Variants in DEPTOR observed in about 807,000 individuals in gnomAD.
DEPTOR encodes the protein DEP domain-containing mTOR-interacting protein.
In DEPTOR, 41 loss-of-function variants were observed where a neutral mutation model predicts 41.6. The ratio of observed to expected loss-of-function variants is 0.98; its 90% CI spans 0.77 to 1.28. The LOEUF (loss-of-function observed/expected upper bound fraction) is 1.28, where lower values mean the gene tolerates loss of function less well. DEPTOR is among the 50% of genes most tolerant of loss of function. The pLI, the probability that DEPTOR is intolerant of heterozygous loss-of-function variation, is 0.00. For missense variants in DEPTOR, 514 were observed against 527.9 expected, an observed-to-expected ratio of 0.97 and a Z score of 0.26; for synonymous variants, 195 against 192.3, an observed-to-expected ratio of 1.01 and a Z score of -0.12.
rs1812350353 is a variant in DEPTOR, at chr8:120,001,509, T to C, written c.605-16T>C. ...GCCAGATAGTCCTCATTGGTTGTTT[T>C]TTTTTTTCTCCCCAGTGTCCAACAA... is the stretch of plus-strand genomic sequence containing the variant. On this transcript the variant is annotated splice_polypyrimidine_tract_variant and intron_variant, in intron 4 of 8. Transcript: ENST00000286234. 22 of 1,585,706 alleles carry C rather than the reference T, an allele frequency of 1.4e-5. No individual in the cohort carries two copies. Among genetic ancestry groups the C allele is most frequent in the Non-Finnish European group, 1.7e-5 (20 of 1,166,322 alleles).
chr8:120,007,568 C>T (rs1482914786), intron 7 of DEPTOR, among the ~76,000 whole-genome samples: 1 of 152,176 alleles, frequency 6.6e-6, no homozygotes, highest in East Asian at 1.9e-4. Flanking sequence ...TCCTGTGTCT[C>T]CTTCTGTCAA....
At chr8:119,942,360 C>T (rs371947142) in intron 3 of DEPTOR, among the ~76,000 whole-genome samples, 1 of 152,144 alleles carries the variant, frequency 6.6e-6, no homozygotes, top group Non-Finnish European at 1.5e-5. Flanking sequence ...TGTGTGCCAC[C>T]ACGCCTGGCT....
chr8:119,916,815 T>TA (rs1261135232), intron 1 of DEPTOR, among the ~76,000 whole-genome samples: 1 of 152,218 alleles, frequency 6.6e-6, no homozygotes, highest in Non-Finnish European at 1.5e-5. Context: ...ATCTTATGGG[T>TA]AGGAAAAGGC....
chr8:119,885,039 G>A (rs1218577743), intron 1 of DEPTOR, among the ~76,000 whole-genome samples: 1 of 152,178 alleles, frequency 6.6e-6, no homozygotes, highest in Non-Finnish European at 1.5e-5. Flanking sequence ...GATTATAGGC[G>A]TGAGCTACCT....
chr8:119,936,019 T>TTTA (rs1563970256), intron 3 of DEPTOR, among the ~76,000 whole-genome samples: 2 of 133,412 alleles, frequency 1.5e-5, no homozygotes, highest in Non-Finnish European at 1.6e-5. Flanking sequence ...TTTTTTTTTT[T>TTTA]ATCCAAAGGG....
At chr8:119,996,953 C>T (rs184167611) in intron 4 of DEPTOR, among the ~76,000 whole-genome samples, 402 of 152,068 alleles carry the variant, frequency 2.6e-3, no homozygotes, top group Non-Finnish European at 4.7e-3. Flanking sequence ...CTGAGTATAG[C>T]GATGTAGTGA....
chr8:119,939,855 T>G (rs1236845921), intron 3 of DEPTOR, among the ~76,000 whole-genome samples: 2 of 152,104 alleles, frequency 1.3e-5, no homozygotes, highest in Non-Finnish European at 2.9e-5. Context: ...CCTTGTGCAT[T>G]GCTGGTGGGA....
chr8:120,016,880 T>C (rs1812620030), intron 8 of DEPTOR, among the ~76,000 whole-genome samples: 1 of 152,158 alleles, frequency 6.6e-6, no homozygotes, highest in Non-Finnish European at 1.5e-5. Flanking sequence ...TCCATAAAGT[T>C]GAGATTACAG....
chr8:119,920,405 T>C (rs1472247506), intron 1 of DEPTOR, among the ~76,000 whole-genome samples: 1 of 152,180 alleles, frequency 6.6e-6, no homozygotes, highest in Non-Finnish European at 1.5e-5. Context: ...CGCTAAAATA[T>C]TGTGGGACAA....
intron 1 of DEPTOR, among the ~76,000 whole-genome samples, chr8:119,910,986 C>T (rs143001758): frequency 2.0e-4 from 30 of 152,188 alleles, no homozygotes; most frequent in Non-Finnish European, 2.9e-4. Context: ...TCCATCACTG[C>T]GTCTGAGATT....
At chr8:120,041,340 A>G (rs749302357) in intron 8 of DEPTOR, among the ~76,000 whole-genome samples, 22 of 152,204 alleles carry the variant, frequency 1.4e-4, no homozygotes, top group Non-Finnish European at 3.1e-4. Context: ...GTCTATCCAG[A>G]GGATTATCGT....
At chr8:120,025,178 A>C (rs6469891) in intron 8 of DEPTOR, among the ~76,000 whole-genome samples, 123,658 of 152,152 alleles carry the variant, frequency 0.81, 50,317 homozygotes, top group African/African-American at 0.83. Flanking sequence ...TGTTTAATTA[A>C]AGACTGTGAT....
At chr8:119,994,916 C>CAA (rs59495312) in intron 4 of DEPTOR, among the ~76,000 whole-genome samples, 3 of 51,844 alleles carry the variant, frequency 5.8e-5, no homozygotes, top group East Asian at 6.2e-4. Context: ...GACTCTGTCT[C>CAA]AAAAAAAAAA....
intron 3 of DEPTOR, among the ~76,000 whole-genome samples, chr8:119,942,578 G>A (rs1313596368): frequency 6.6e-6 from 1 of 152,194 alleles, no homozygotes; most frequent in African/African-American, 2.4e-5. Context: ...GAGATTGACT[G>A]TGCTGGCTAC....
intron 3 of DEPTOR, among the ~76,000 whole-genome samples, chr8:119,941,327 C>T (rs956338523): frequency 2.9e-5 from 4 of 137,766 alleles, no homozygotes; most frequent in East Asian, 2.1e-4. Flanking sequence ...GAGCAGAGAT[C>T]GCACCATTGC....
chr8:120,026,912 A>G (rs1812805752), intron 8 of DEPTOR, among the ~76,000 whole-genome samples: 1 of 152,146 alleles, frequency 6.6e-6, no homozygotes, highest in Non-Finnish European at 1.5e-5. Context: ...TATTATATTC[A>G]ACTGTTCTTA....
intron 4 of DEPTOR, among the ~76,000 whole-genome samples, chr8:119,983,673 C>T (rs1034781903): frequency 4.6e-5 from 7 of 152,148 alleles, no homozygotes; most frequent in Admixed American, 2.0e-4. Context: ...CATGAGCCAC[C>T]GTGCCTGGCC....
At chr8:119,931,787 CT>C (rs1828046554) in intron 3 of DEPTOR, among the ~76,000 whole-genome samples, 1 of 152,062 alleles carries the variant, frequency 6.6e-6, no homozygotes, top group Admixed American at 6.6e-5. Context: ...TTGCTACTTT[CT>C]TTTAATTTCT....
chr8:119,913,793 G>C (rs557424769), intron 1 of DEPTOR, among the ~76,000 whole-genome samples: 3 of 152,192 alleles, frequency 2.0e-5, no homozygotes, highest in Admixed American at 6.5e-5. Flanking sequence ...TCTTCAGTTA[G>C]GTGTCCTGAC....
Sources: gnomAD v4.1 joint callset for allele counts (sites outside exome capture counted in the v4.1 genomes callset) on GRCh38, gnomAD v4.1.1 for gene constraint, MANE v1.5 for transcripts, NCBI Gene and HGNC (gene_info 2026-07-23, HGNC 2026-07-21) for gene names.